Variants in USP3 observed in about 807,000 individuals in gnomAD.
The protein encoded by USP3 is ubiquitin specific peptidase 3, also known as ubiquitin carboxyl-terminal hydrolase 3.
USP3 carries 20 observed loss-of-function variants against 72.3 expected under a neutral mutation model. The observed-to-expected ratio is 0.28, with a 90% CI of 0.19 to 0.40. The LOEUF (loss-of-function observed/expected upper bound fraction) is 0.40, where lower values mean the gene tolerates loss of function less well. Among genes scored for constraint, USP3 ranks in the 10% least tolerant of loss-of-function variants. The pLI is 1.00. For synonymous variants in USP3, 222 were observed against 225.3 expected, an observed-to-expected ratio of 0.99 and a Z score of 0.13; for missense variants, 479 against 633.9, an observed-to-expected ratio of 0.76 and a Z score of 2.62.
At chr15:63,586,786 T>G (rs964762684) in intron 11 of USP3, 1 of 152,182 alleles carries the variant, frequency 6.6e-6, no homozygotes, top group African/African-American at 2.4e-5. Context: ...TGTGGGAAAT[T>G]GAGGAAAGAA....
chr15:63,543,623 T>C (rs190318519), intron 3 of USP3, among the ~76,000 whole-genome samples: 4 of 152,364 alleles, frequency 2.6e-5, no homozygotes, highest in Non-Finnish European at 4.4e-5. Context: ...ATGGATTTAT[T>C]CGTCCCATAT....
chr15:63,512,841 T>A (rs2065808350), intron 1 of USP3, among the ~76,000 whole-genome samples: 1 of 152,236 alleles, frequency 6.6e-6, no homozygotes, highest in Non-Finnish European at 1.5e-5. Flanking sequence ...TTTCAGATTT[T>A]GAAAACTGTT....
chr15:63,534,916 GTTTATTTA>G (rs958674714), intron 2 of USP3, among the ~76,000 whole-genome samples: 4 of 78,110 alleles, frequency 5.1e-5, no homozygotes, highest in East Asian at 4.4e-4. Flanking sequence ...CCTTTTATTT[GTTTATTTA>G]TTTATTTATT....
chr15:63,511,953 C>CTTTTTTTT (rs58146448), intron 1 of USP3, among the ~76,000 whole-genome samples: 5 of 112,274 alleles, frequency 4.5e-5, no homozygotes, highest in African/African-American at 6.7e-5. Context: ...AACTGCAGAT[C>CTTTTTTTT]TTTTTTTTTT....
intron 9 of USP3, among the ~76,000 whole-genome samples, chr15:63,572,002 A>G (rs2066785721): frequency 6.6e-6 from 1 of 152,218 alleles, no homozygotes; most frequent in Non-Finnish European, 1.5e-5. Context: ...GGTGAAGGTG[A>G]GGACGGTGGT....
Position 63,574,019 on chromosome 15 carries a change from A to AT in USP3, c.909-23dup. ...CAAAGAGATGGCTTCTTACTGAGAT[A>AT]TTTTCCTGTGTGGTGATTTTGTTTA... is the stretch of plus-strand genomic sequence containing the variant. On this transcript the variant is annotated intron_variant, in intron 9 of 14. Coordinates refer to ENST00000380324, the MANE Select transcript of USP3 (RefSeq NM_006537.4). This position sits in a 1 kb window ranked among gnomAD's most constrained non-coding sequence, Gnocchi z 4.6. The AT allele has an allele frequency of 6.7e-7, 1 of 1,489,760 alleles. No individual in the cohort carries two copies. Among genetic ancestry groups the AT allele is most frequent in the South Asian group, 1.4e-5 (1 of 70,396 alleles). 92.3% of individuals were successfully genotyped at this position (1,489,760 alleles called of 1,614,324 possible). A position where few individuals can be genotyped will look rare whatever the true frequency, so the allele number is the denominator to read the frequency against.
At position 63,544,666 on chromosome 15, in the gene USP3, C is replaced by T. The variant is rs555556750; in HGVS notation, c.284+7510C>T. 1.3e-5 allele frequency: 9 copies of T among 699,698 alleles called. No individual in the cohort carries two copies. In the East Asian group the frequency reaches 1.9e-4, roughly 15 times the overall value. The allele number at this position is 699,698 out of a possible 1,614,324, so 43.3% of individuals were successfully genotyped here. A position where few individuals can be genotyped will look rare whatever the true frequency, so the allele number is the denominator to read the frequency against. Reference sequence around the variant, plus strand: ...GGAAGAATGTAAAGATGGAGATGACCGAATGAGGAATATTGTTTTGCCATT... The same window carrying T: ...GGAAGAATGTAAAGATGGAGATGACTGAATGAGGAATATTGTTTTGCCATT... On this transcript the variant is annotated intron_variant, in intron 3 of 14. Coordinates refer to ENST00000380324, the MANE Select transcript of USP3 (RefSeq NM_006537.4). This position sits in a 1 kb window ranked among gnomAD's most constrained non-coding sequence, Gnocchi z 4.2.
At chr15:63,557,396 G>T (rs2152671588) in intron 5 of USP3, among the ~76,000 whole-genome samples, 1 of 152,238 alleles carries the variant, frequency 6.6e-6, no homozygotes, top group South Asian at 2.1e-4. Context: ...CCAAGTAGCT[G>T]GGATTACAGG....
Position 63,592,641 on chromosome 15 carries a change from G to T in USP3, c.*1815G>T, listed in dbSNP as rs1482625250. On this transcript the variant is annotated 3_prime_UTR_variant, in exon 15 of 15. Transcript: ENST00000380324. ...ACTAGAGATGGGGTTTCACCACGTT[G>T]CCCAGGCTGGTCTTGCACTCCTGGG... is the stretch of plus-strand genomic sequence containing the variant. 6.6e-6 allele frequency: 1 copy of T among 151,500 alleles called. No homozygotes were observed. The highest frequency in any genetic ancestry group is 2.4e-5 in the African/African-American group (1 of 41,184). 9.4% of individuals were successfully genotyped at this position (151,500 alleles called of 1,614,324 possible).
chr15:63,505,266 C>T (rs2065696240), intron 1 of USP3, among the ~76,000 whole-genome samples: 1 of 152,122 alleles, frequency 6.6e-6, no homozygotes, highest in African/African-American at 2.4e-5. Context: ...GCAGACAGGG[C>T]GGGAAGAGCG....
In USP3 at chr15:63,577,609, G is replaced by T. The variant is rs188033836; in HGVS notation, c.1096+3206G>T. ...TCTACTAAAAATACAAAAATTAGCT[G>T]GGCATGGTGGGGAGTACCTGTAACC... is the stretch of plus-strand genomic sequence containing the variant. On this transcript the variant is annotated intron_variant, in intron 11 of 14. Transcript: ENST00000380324. 7.0e-4 allele frequency among the ~76,000 whole-genome samples: 106 copies of T among 152,098 alleles called. No individual in the cohort carries two copies. The South Asian group carries it at 9.1e-3, about 13-fold the overall frequency.
intron 1 of USP3, chr15:63,530,570 C>G: frequency 2.4e-6 from 1 of 413,522 alleles, no homozygotes; most frequent in Non-Finnish European, 4.8e-6. Flanking sequence ...GCCTCGGCCT[C>G]CCAAAGTGTT....
intron 1 of USP3, among the ~76,000 whole-genome samples, chr15:63,517,316 C>T (rs998408375): frequency 6.6e-6 from 1 of 151,880 alleles, no homozygotes; most frequent in Non-Finnish European, 1.5e-5. Context: ...TTCACATATC[C>T]TCTTGCTATT....
intron 4 of USP3, among the ~76,000 whole-genome samples, chr15:63,554,693 G>A (rs1595743098): frequency 6.6e-6 from 1 of 152,196 alleles, no homozygotes; most frequent in South Asian, 2.1e-4. Flanking sequence ...TAACTTCTTT[G>A]AGGGCAGTAC....
intron 11 of USP3, among the ~76,000 whole-genome samples, chr15:63,585,963 T>A (rs1388280035): frequency 6.6e-6 from 1 of 152,196 alleles, no homozygotes; most frequent in Non-Finnish European, 1.5e-5. Context: ...AATCTATAGA[T>A]GAAGTTGACA....
rs147289149 is a variant in USP3 at position 63,521,621 on chromosome 15, G to T, written c.92-11026G>T. On this transcript the variant is annotated intron_variant, in intron 1 of 14. Transcript: ENST00000380324. ...AGTAGTAGCCGATCATAGGCCCTGG[G>T]TCAGGGTTCATTTTAAGCAGTTAAC... is the stretch of plus-strand genomic sequence containing the variant. Among the ~76,000 whole-genome samples the T allele has an allele frequency of 1.4e-4, 21 of 152,252 alleles. No individual in the cohort carries two copies. In the East Asian group the frequency reaches 4.1e-3, roughly 29 times the overall value.
chr15:63,546,220 C>T (rs990779932), intron 3 of USP3, among the ~76,000 whole-genome samples: 2 of 152,126 alleles, frequency 1.3e-5, no homozygotes, highest in African/African-American at 2.4e-5. Context: ...GTCAGTTTCT[C>T]AGTGCCAGTA....
In USP3 at chr15:63,591,708, T is replaced by C. The variant is rs2152686210; in HGVS notation, c.*882T>C. 6.6e-6 allele frequency: 1 copy of C among 152,320 alleles called. No individual in the cohort carries two copies. The allele number at this position is 152,320 out of a possible 1,614,324, so 9.4% of individuals were successfully genotyped here. A position where few individuals can be genotyped will look rare whatever the true frequency, so the allele number is the denominator to read the frequency against. On this transcript the variant is annotated 3_prime_UTR_variant, in exon 15 of 15. Coordinates refer to ENST00000380324, the MANE Select transcript of USP3 (RefSeq NM_006537.4). ...CCATTATAGACTTACTTACTGCTTGTGTTTGGCATCTGAGTCTGAGGTGTG... is the reference window on the plus strand; with the variant it reads ...CCATTATAGACTTACTTACTGCTTGCGTTTGGCATCTGAGTCTGAGGTGTG...
intron 7 of USP3, among the ~76,000 whole-genome samples, chr15:63,560,709 A>G (rs2066595504): frequency 6.6e-6 from 1 of 152,160 alleles, no homozygotes; most frequent in Non-Finnish European, 1.5e-5. Context: ...AAGAAAACGG[A>G]CAAGTGCTCA....
Sources: allele counts gnomAD v4.1 joint callset (sites outside exome capture counted in the v4.1 genomes callset), GRCh38; gene constraint gnomAD v4.1.1; non-coding constraint Gnocchi (gnomAD v3.1); transcripts MANE v1.5; gene names NCBI Gene and HGNC (gene_info 2026-07-23, HGNC 2026-07-21).